The following RET variants were observed in gnomAD, a reference collection of about 807,000 sequenced individuals.
The protein encoded by RET is proto-oncogene tyrosine-protein kinase receptor Ret.
Under a neutral mutation model 118.3 loss-of-function variants are expected in RET, and 19 were observed. The ratio of observed to expected loss-of-function variants is 0.16; its 90% CI spans 0.11 to 0.24. RET has a LOEUF of 0.24. Among genes scored for constraint, RET ranks in the 10% least tolerant of loss-of-function variants. The pLI, the probability that RET is intolerant of heterozygous loss-of-function variation, is 1.00. For missense variants in RET, 1,219 were observed against 1,502.1 expected (o/e 0.81, Z 3.12); for synonymous variants, 597 against 644.1 (o/e 0.93, Z 1.11).
Position 43,100,460 on chromosome 10 carries a change from G to A in RET, c.75G>A (p.Val25=), listed in dbSNP as rs2132656259. ...LLLLLPLLGK[V]ALGLYFSRDA... ...CACTCACTTCCCTACTTCCCACAGT[G>A]GCATTGGGCCTCTACTTCTCGAGGG... Residue 25 remains valine, a splice_region_variant and synonymous_variant, in exon 2 of 20, where the codon GTG becomes GTA. Coordinates refer to ENST00000355710, the MANE Select transcript of RET (RefSeq NM_020975.6). The A allele has an allele frequency of 6.2e-7, 1 of 1,612,776 alleles. No individual in the cohort carries two copies. Among genetic ancestry groups the A allele is most frequent in the South Asian group, 1.1e-5 (1 of 91,044 alleles).
At chr10:43,110,474 T>C (rs1371833787) in intron 6 of RET, among the ~76,000 whole-genome samples, 3 of 152,084 alleles carry the variant, frequency 2.0e-5, no homozygotes, top group Non-Finnish European at 4.4e-5. Context: ...CTGTGGAACT[T>C]TTGGTTTCAA....
rs180700967 is a variant in RET, at chr10:43,128,120, G to A, written c.3196G>A (p.Asp1066Asn). ...WIENKLYGMS[D>N]PNWPGESPVP... ...TCTGTTTTCATTTTTAGGCATGTCA[G>A]ACCCGAACTGGCCTGGAGAGAGTCC... is the stretch of plus-strand genomic sequence containing the variant. The change falls in exon 20 of 20, where the codon GAC (aspartate) becomes AAC (asparagine). Residue 1066 changes from aspartate to asparagine, a missense_variant. By Grantham distance (23) the Asp-to-Asn change is conservative. This residue lies in a region of RET where 174 missense variants were observed against 179.3 expected (regional missense o/e 0.97). Transcript: ENST00000355710. 6.2e-7 allele frequency: 1 copy of A among 1,614,192 alleles called. No homozygotes were observed. Among genetic ancestry groups the A allele is most frequent in the East Asian group, 2.2e-5 (1 of 44,888 alleles).
intron 11 of RET, among the ~76,000 whole-genome samples, chr10:43,115,001 G>A (rs951533911): frequency 1.3e-5 from 2 of 152,092 alleles, no homozygotes; most frequent in African/African-American, 2.4e-5. Flanking sequence ...GTGGATGGAG[G>A]GGCACTGAAG....
At chr10:43,093,627 G>T (rs960665839) in intron 1 of RET, among the ~76,000 whole-genome samples, 5 of 152,310 alleles carry the variant, frequency 3.3e-5, no homozygotes, top group Admixed American at 2.6e-4. Context: ...AGCCGAGGGG[G>T]TGAGCAGCCT....
At chr10:43,081,545 A>G (rs1387401411) in intron 1 of RET, among the ~76,000 whole-genome samples, 2 of 152,138 alleles carry the variant, frequency 1.3e-5, no homozygotes, top group African/African-American at 4.8e-5. Context: ...ATGGTCACAG[A>G]GAAGGTGATG....
intron 6 of RET, among the ~76,000 whole-genome samples, 176 bp downstream of exon 6, chr10:43,109,406 A>G (rs1042752767): frequency 6.6e-6 from 1 of 152,136 alleles, no homozygotes; most frequent in African/African-American, 2.4e-5. Flanking sequence ...GGGAGAGCTC[A>G]CAGTGGGCAG....
chr10:43,100,235 C>A (rs1837606991), intron 1 of RET, among the ~76,000 whole-genome samples: 1 of 152,182 alleles, frequency 6.6e-6, no homozygotes, highest in African/African-American at 2.4e-5. Flanking sequence ...ATAGGCTTGT[C>A]ACTGAGGATA....
chr10:43,122,631 AG>A (rs1271386340), intron 16 of RET, among the ~76,000 whole-genome samples: 1 of 152,136 alleles, frequency 6.6e-6, no homozygotes, highest in Non-Finnish European at 1.5e-5. Context: ...GGGAGGGGAT[AG>A]GGTCTCACTC....
chr10:43,083,238 T>A (rs557618038), intron 1 of RET, among the ~76,000 whole-genome samples: 1 of 152,234 alleles, frequency 6.6e-6, no homozygotes, highest in Admixed American at 6.5e-5. Context: ...CTCTGGCAGG[T>A]CACATACAGG....
Position 43,128,795 on chromosome 10 carries a change from A to G in RET, c.*526A>G. 3.9e-6 allele frequency: 1 copy of G among 258,792 alleles called. No homozygotes were observed. Among genetic ancestry groups the G allele is most frequent in the East Asian group, 5.5e-5 (1 of 18,022 alleles). 16.0% of individuals were successfully genotyped at this position (258,792 alleles called of 1,614,324 possible). A position where few individuals can be genotyped will look rare whatever the true frequency, so the allele number is the denominator to read the frequency against. On this transcript the variant is annotated 3_prime_UTR_variant, in exon 20 of 20. Coordinates refer to ENST00000355710, the MANE Select transcript of RET (RefSeq NM_020975.6). ...CTGGGGGTAGTGTCAATGCCCCTCCAGGGCTGGAGGGGAAGAGGGGCCCCG... is the reference window on the plus strand; with the variant it reads ...CTGGGGGTAGTGTCAATGCCCCTCCGGGGCTGGAGGGGAAGAGGGGCCCCG...
In RET at chr10:43,120,067, A is replaced by G; in HGVS notation, c.2608-14A>G. On this transcript the variant is annotated splice_polypyrimidine_tract_variant and intron_variant, in intron 14 of 19. Coordinates refer to ENST00000355710, the MANE Select transcript of RET (RefSeq NM_020975.6). The stretch of plus-strand genomic sequence containing the variant: ...TGGCCATGGCCTGACGACTCGTGCT[A>G]TTTTTCCTCACAGCTCGTTCATCGG... 2 of 1,613,236 alleles carry G rather than the reference A, an allele frequency of 1.2e-6. No individual in the cohort carries two copies. The highest frequency in any genetic ancestry group is 1.7e-5 in the Admixed American group (1 of 59,954).
intron 1 of RET, among the ~76,000 whole-genome samples, chr10:43,093,924 GT>G (rs1177858220): frequency 1.3e-5 from 2 of 152,064 alleles, no homozygotes; most frequent in African/African-American, 4.8e-5. Flanking sequence ...ACAGTGGCAG[GT>G]GGGGAGGCGG....
intron 1 of RET, among the ~76,000 whole-genome samples, chr10:43,090,561 C>T (rs1318103665): frequency 6.6e-6 from 1 of 152,102 alleles, no homozygotes; most frequent in Admixed American, 6.5e-5. Context: ...ACTCTCAAGC[C>T]AGGGCCACAT....
At chr10:43,102,735 T>C in intron 3 of RET, 106 bp downstream of exon 3, 1 of 1,370,196 alleles carries the variant, frequency 7.3e-7, no homozygotes, top group Non-Finnish European at 1.0e-6. Flanking sequence ...CTTCATGCCA[T>C]CAGTTCATTC....
intron 1 of RET, among the ~76,000 whole-genome samples, chr10:43,085,396 G>A (rs1264892216): frequency 6.6e-6 from 1 of 152,198 alleles, no homozygotes; most frequent in African/African-American, 2.4e-5. Context: ...CTAGGCCTTT[G>A]TCTTCTTGCC....
Position 43,102,497 on chromosome 10 carries a change from C to T in RET, c.493C>T (p.Leu165Phe), listed in dbSNP as rs1186737564. The part of the protein sequence containing the change: ...PACSSLKPRE[L>F]CFPETRPSFR... ...CTGCAGCTCCCTCAAGCCCCGGGAG[C>T]TCTGCTTCCCAGAGACAAGGCCCTC... Residue 165 changes from leucine to phenylalanine, a missense_variant, in exon 3 of 20, where the codon CTC becomes TTC. Transcript: ENST00000355710. The T allele has an allele frequency of 6.2e-7, 1 of 1,614,210 alleles. No individual in the cohort carries two copies. The highest frequency in any genetic ancestry group is 1.7e-5 in the Admixed American group (1 of 60,030).
rs115948670 is a variant in RET at position 43,085,489 on chromosome 10, G to A, written c.73+8158G>A. On this transcript the variant is annotated intron_variant, in intron 1 of 19. Transcript: ENST00000355710. Reference sequence around the variant, plus strand: ...CCCTCACCCCCCAGGGGCCACCTAGGCCAGAGCCTGTCCTGATTTCCATCT... The same window carrying A: ...CCCTCACCCCCCAGGGGCCACCTAGACCAGAGCCTGTCCTGATTTCCATCT... Among the ~76,000 whole-genome samples the A allele has an allele frequency of 3.0e-3, 457 of 152,308 alleles. 6 individuals are homozygous for A. Among genetic ancestry groups the A allele is most frequent in the African/African-American group, 0.01 (430 of 41,560 alleles).
rs2132857320 is a variant in RET, at chr10:43,114,810, G to A, written c.2136+74G>A. 1 of 1,492,770 alleles carries A rather than the reference G, an allele frequency of 6.7e-7. No individual in the cohort carries two copies. The highest frequency in any genetic ancestry group is 9.0e-7 in the Non-Finnish European group (1 of 1,114,856). 92.5% of individuals were successfully genotyped at this position (1,492,770 alleles called of 1,614,324 possible). A position where few individuals can be genotyped will look rare whatever the true frequency, so the allele number is the denominator to read the frequency against. ...CTTCCAGGGAGGGAGGCCAGCTGGG[G>A]AGACAGAGGCCATCCTGTGAGGGGC... is the stretch of plus-strand genomic sequence containing the variant. On this transcript the variant is annotated intron_variant, in intron 11 of 19. Coordinates refer to ENST00000355710, the MANE Select transcript of RET (RefSeq NM_020975.6). This position sits in a 1 kb window ranked among gnomAD's most constrained non-coding sequence, Gnocchi z 4.6.
At chr10:43,084,463 G>A (rs1370527877) in intron 1 of RET, among the ~76,000 whole-genome samples, 2 of 152,214 alleles carry the variant, frequency 1.3e-5, no homozygotes, top group Non-Finnish European at 2.9e-5. Context: ...CGGTGATGGC[G>A]TGCTGGGCAT....
Sources: gnomAD v4.1 joint callset for allele counts (sites outside exome capture counted in the v4.1 genomes callset) on GRCh38, gnomAD v4.1.1 for gene constraint, gnomAD v4.1.1 regional missense constraint, Gnocchi (gnomAD v3.1) non-coding constraint, MANE v1.5 for transcripts, NCBI Gene and HGNC (gene_info 2026-07-23, HGNC 2026-07-21) for gene names.